The following ATP2B2 variants were observed in gnomAD, a reference collection of about 807,000 sequenced individuals.
ATP2B2 encodes the protein plasma membrane calcium-transporting ATPase 2.
A neutral mutation model predicts 120.0 loss-of-function variants in ATP2B2; 15 were observed. The observed-to-expected ratio is 0.12, with a 90% CI of 0.08 to 0.19. The LOEUF is 0.19. Among genes scored for constraint, ATP2B2 ranks in the 10% least tolerant of loss-of-function variants. The pLI, the probability that ATP2B2 is intolerant of heterozygous loss-of-function variation, is 1.00. For synonymous variants in ATP2B2, 694 were observed against 700.3 expected, an observed-to-expected ratio of 0.99 and a Z score of 0.14; for missense variants, 1,045 against 1,719.8, an observed-to-expected ratio of 0.61 and a Z score of 6.94.
intron 2 of ATP2B2, among the ~76,000 whole-genome samples, chr3:10,552,919 A>G (rs548853747): frequency 2.1e-4 from 32 of 152,346 alleles, no homozygotes; most frequent in Admixed American, 1.7e-3. Context: ...TTTACTTTCC[A>G]TAACAGTTCT....
Position 10,402,036 on chromosome 3 carries a change from C to T in ATP2B2, c.655+55G>A, listed in dbSNP as rs2062238629. ...ATCTCTTTGCATCAGCCTGGCCTGTCCCACCTCTGCCGGAATCCAGCTTTA... is the reference window on the plus strand; with the variant it reads ...ATCTCTTTGCATCAGCCTGGCCTGTTCCACCTCTGCCGGAATCCAGCTTTA... On this transcript the variant is annotated intron_variant, in intron 4 of 22. Transcript: ENST00000360273. This position sits in a 1 kb window ranked among gnomAD's most constrained non-coding sequence, Gnocchi z 4.9. 2.4e-5 allele frequency: 39 copies of T among 1,606,842 alleles called. 1 individual carries two copies. In the South Asian group the frequency reaches 3.6e-4, roughly 15 times the overall value.
Position 10,329,264 on chromosome 3 carries a change from T to C in ATP2B2, c.3421-139A>G. 1 of 846,880 alleles carries C rather than the reference T, an allele frequency of 1.2e-6. No individual in the cohort carries two copies. The highest frequency in any genetic ancestry group is 2.0e-6 in the Non-Finnish European group (1 of 508,984). The allele number at this position is 846,880 out of a possible 1,614,324, so 52.5% of individuals were successfully genotyped here. ...CCATAGTCGCTGGGTGTTATTAGCA[T>C]TGACAGGATGGGGGAGAGTGAAAAA... On this transcript the variant is annotated intron_variant, in intron 22 of 22. Coordinates refer to ENST00000360273, the MANE Select transcript of ATP2B2 (RefSeq NM_001001331.4). This position sits in a 1 kb window ranked among gnomAD's most constrained non-coding sequence, Gnocchi z 5.9.
chr3:10,536,657 G>A (rs575927767), intron 2 of ATP2B2, among the ~76,000 whole-genome samples: 169 of 152,210 alleles, frequency 1.1e-3, no homozygotes, highest in South Asian at 6.9e-3. Context: ...CTCCTGAATA[G>A]CTGGGACTAC....
At chr3:10,511,383 C>G (rs1295476718) in intron 3 of ATP2B2, among the ~76,000 whole-genome samples, 2 of 152,168 alleles carry the variant, frequency 1.3e-5, no homozygotes, top group African/African-American at 2.4e-5. Flanking sequence ...TCTCATTTGC[C>G]TGAGTTATCC....
rs369989677 is a variant in ATP2B2, at chr3:10,329,179, CG to C, written c.3421-55del. ...ACTGCCCAGGGACCACAGCCAGGCTCGGGGGGCTCACAGGAGGGGCGGGTGG... is the reference window on the plus strand; with the variant it reads ...ACTGCCCAGGGACCACAGCCAGGCTCGGGGGCTCACAGGAGGGGCGGGTGG... On this transcript the variant is annotated intron_variant, in intron 22 of 22. Transcript: ENST00000360273. This position sits in a 1 kb window ranked among gnomAD's most constrained non-coding sequence, Gnocchi z 5.9. The C allele has an allele frequency of 2.3e-5, 14 of 605,378 alleles. No individual in the cohort carries two copies. The highest frequency in any genetic ancestry group is 1.8e-4 in the African/African-American group (8 of 44,316). The allele number at this position is 605,378 out of a possible 1,614,324, so 37.5% of individuals were successfully genotyped here. A position where few individuals can be genotyped will look rare whatever the true frequency, so the allele number is the denominator to read the frequency against.
intron 3 of ATP2B2, among the ~76,000 whole-genome samples, chr3:10,517,640 G>A (rs2066902777): frequency 6.6e-6 from 1 of 152,204 alleles, no homozygotes; most frequent in Non-Finnish European, 1.5e-5. Context: ...AGAAAGCCTT[G>A]AGGTGGAGTA....
chr3:10,698,772 C>G (rs1559526555), intron 1 of ATP2B2, among the ~76,000 whole-genome samples: 1 of 152,206 alleles, frequency 6.6e-6, no homozygotes, highest in African/African-American at 2.4e-5. Flanking sequence ...AGCCCACATA[C>G]TATAATTGAG....
chr3:10,576,433 T>C (rs182018512), intron 2 of ATP2B2, among the ~76,000 whole-genome samples: 18 of 152,264 alleles, frequency 1.2e-4, no homozygotes, highest in Admixed American at 9.8e-4. Flanking sequence ...CAGGCTGGAG[T>C]GCAGTGGTAT....
chr3:10,573,497 T>A (rs1056367690), intron 2 of ATP2B2, among the ~76,000 whole-genome samples: 1 of 152,206 alleles, frequency 6.6e-6, no homozygotes, highest in Non-Finnish European at 1.5e-5. Flanking sequence ...TACCTGTTCC[T>A]GAAACAAGAG....
chr3:10,690,863 A>G (rs892601), intron 1 of ATP2B2, among the ~76,000 whole-genome samples: 1 of 152,082 alleles, frequency 6.6e-6, no homozygotes, highest in South Asian at 2.1e-4. Context: ...TTTAAGAAAG[A>G]CTTAGAATCA....
At chr3:10,490,442 C>T (rs1301600543) in intron 1 of ATP2B2, among the ~76,000 whole-genome samples, 4 of 140,150 alleles carry the variant, frequency 2.9e-5, no homozygotes, top group African/African-American at 5.5e-5. Flanking sequence ...CTCTCTCTGT[C>T]GCACAGGCTG....
chr3:10,707,140 C>A (rs1039147454), intron 1 of ATP2B2, among the ~76,000 whole-genome samples: 3 of 152,184 alleles, frequency 2.0e-5, no homozygotes, highest in African/African-American at 7.2e-5. Context: ...GGGCCTGAGG[C>A]AACTGCCCAA....
intron 1 of ATP2B2, among the ~76,000 whole-genome samples, chr3:10,493,864 G>A (rs2066032592): frequency 2.0e-5 from 3 of 152,226 alleles, no homozygotes; most frequent in African/African-American, 7.2e-5. Flanking sequence ...ACCCTTAGGT[G>A]GGGGTTGAAA....
chr3:10,616,343 T>C (rs1192504314), intron 2 of ATP2B2, among the ~76,000 whole-genome samples: 1 of 152,166 alleles, frequency 6.6e-6, no homozygotes, highest in Non-Finnish European at 1.5e-5. Flanking sequence ...GGTGAGGATA[T>C]AGGAGAAGTC....
chr3:10,534,898 G>GTTTTTT (rs59467255), intron 2 of ATP2B2, among the ~76,000 whole-genome samples: 46 of 87,696 alleles, frequency 5.2e-4, no homozygotes, highest in Middle Eastern at 9.6e-3. Flanking sequence ...CATTTATTTG[G>GTTTTTT]TTTTTTTTTT....
At chr3:10,560,150 A>G (rs2067870627) in intron 2 of ATP2B2, among the ~76,000 whole-genome samples, 1 of 152,232 alleles carries the variant, frequency 6.6e-6, no homozygotes, top group Non-Finnish European at 1.5e-5. Flanking sequence ...GAGCAACTCA[A>G]AGGCAGTCGC....
intron 1 of ATP2B2, among the ~76,000 whole-genome samples, chr3:10,501,675 G>A (rs1047630867): frequency 6.6e-6 from 1 of 152,296 alleles, no homozygotes; most frequent in East Asian, 1.9e-4. Context: ...GCTGTGCAGG[G>A]TGAAGCCAGG....
chr3:10,656,805 G>C (rs971567164), intron 1 of ATP2B2, among the ~76,000 whole-genome samples: 1 of 152,206 alleles, frequency 6.6e-6, no homozygotes, highest in African/African-American at 2.4e-5. Flanking sequence ...CATAAACTGA[G>C]ACCTCAAGGA....
At chr3:10,701,658 T>C (rs905539428) in intron 1 of ATP2B2, among the ~76,000 whole-genome samples, 30 of 152,110 alleles carry the variant, frequency 2.0e-4, no homozygotes, top group African/African-American at 7.0e-4. Flanking sequence ...TTCTTTTGTT[T>C]GCAACTTAGG....
Sources: allele counts gnomAD v4.1 joint callset (sites outside exome capture counted in the v4.1 genomes callset), GRCh38; gene constraint gnomAD v4.1.1; non-coding constraint Gnocchi (gnomAD v3.1); transcripts MANE v1.5; gene names NCBI Gene and HGNC (gene_info 2026-07-23, HGNC 2026-07-21).